Variants in CHCHD3 observed in about 807,000 individuals in gnomAD.
CHCHD3 encodes MICOS complex subunit MIC19.
A neutral mutation model predicts 38.2 loss-of-function variants in CHCHD3; 20 were observed. The ratio of observed to expected loss-of-function variants is 0.52; its 90% CI spans 0.37 to 0.76. The LOEUF (loss-of-function observed/expected upper bound fraction) is 0.76. Among genes scored for constraint, CHCHD3 ranks in the 30% least tolerant of loss-of-function variants. The pLI, the probability that CHCHD3 is intolerant of heterozygous loss-of-function variation, is 0.00. For missense variants in CHCHD3, 245 were observed against 279.2 expected (o/e 0.88, Z 0.87); for synonymous variants, 82 against 100.0 (o/e 0.82, Z 1.07).
At chr7:132,962,842 ATAC>A (rs1811354301) in intron 4 of CHCHD3, among the ~76,000 whole-genome samples, 1 of 152,206 alleles carries the variant, frequency 6.6e-6, no homozygotes, top group Non-Finnish European at 1.5e-5. Context: ...ATTCATCTTA[ATAC>A]TACTGTTTGC....
intron 3 of CHCHD3, among the ~76,000 whole-genome samples, chr7:133,005,983 T>C (rs1778544555): frequency 2.0e-5 from 3 of 152,230 alleles, no homozygotes; most frequent in African/African-American, 7.2e-5. Context: ...GCCAGCTACA[T>C]ATAGGTCTCA....
intron 6 of CHCHD3, among the ~76,000 whole-genome samples, chr7:132,826,520 G>T (rs1004804795): frequency 2.0e-5 from 3 of 152,154 alleles, no homozygotes; most frequent in African/African-American, 7.2e-5. Flanking sequence ...TTGATTACCA[G>T]CATTTAGACA....
chr7:133,020,075 A>G (rs1029878493), intron 3 of CHCHD3, among the ~76,000 whole-genome samples: 1 of 151,982 alleles, frequency 6.6e-6, no homozygotes, highest in African/African-American at 2.4e-5. Context: ...GATAAGCAAA[A>G]CCATGATTTC....
At chr7:133,002,460 G>A (rs1322232185) in intron 3 of CHCHD3, among the ~76,000 whole-genome samples, 1 of 151,950 alleles carries the variant, frequency 6.6e-6, no homozygotes, top group East Asian at 1.9e-4. Flanking sequence ...GATTTAGGTG[G>A]GTTTGATATT....
At chr7:133,046,688 G>A (rs550314221) in intron 2 of CHCHD3, among the ~76,000 whole-genome samples, 3 of 151,970 alleles carry the variant, frequency 2.0e-5, no homozygotes, top group Admixed American at 6.5e-5. Context: ...TCAGCCTCCC[G>A]AGTAGCTGGG....
At chr7:132,941,347 G>A (rs1330496057) in intron 4 of CHCHD3, among the ~76,000 whole-genome samples, 2 of 152,180 alleles carry the variant, frequency 1.3e-5, no homozygotes, top group East Asian at 3.9e-4. Flanking sequence ...ATAATCCTCA[G>A]GCCATCCTCA....
chr7:132,800,994 C>T (rs541798308), intron 6 of CHCHD3, among the ~76,000 whole-genome samples: 1 of 152,136 alleles, frequency 6.6e-6, no homozygotes, highest in African/African-American at 2.4e-5. Context: ...TCCTATAGCA[C>T]AATGCAAAAA....
At chr7:132,982,746 C>T (rs1013875626) in intron 3 of CHCHD3, among the ~76,000 whole-genome samples, 8 of 152,138 alleles carry the variant, frequency 5.3e-5, no homozygotes, top group African/African-American at 1.9e-4. Context: ...AGCTGAGGCA[C>T]AGAGAAATTA....
intron 1 of CHCHD3, among the ~76,000 whole-genome samples, chr7:133,075,435 CA>C (rs1480121297): frequency 6.6e-6 from 1 of 152,204 alleles, no homozygotes; most frequent in Non-Finnish European, 1.5e-5. Context: ...GCACCTCTGC[CA>C]ACTCCAAGCA....
At chr7:132,972,747 T>C (rs1340140710) in intron 4 of CHCHD3, 3 of 985,298 alleles carry the variant, frequency 3.0e-6, no homozygotes, top group South Asian at 4.7e-5. Context: ...CCTAAGTGCT[T>C]TGAGGGCTCT....
intron 4 of CHCHD3, among the ~76,000 whole-genome samples, chr7:132,908,208 T>C (rs1809843958): frequency 6.6e-6 from 1 of 152,188 alleles, no homozygotes; most frequent in Non-Finnish European, 1.5e-5. Context: ...GTTCAGAATC[T>C]GGTGTTTAAG....
chr7:133,071,107 TGA>T (rs1814808464), intron 1 of CHCHD3, among the ~76,000 whole-genome samples: 2 of 152,196 alleles, frequency 1.3e-5, no homozygotes, highest in Admixed American at 6.5e-5. Flanking sequence ...CTTGCGGATT[TGA>T]GAGTCATCAT....
intron 4 of CHCHD3, among the ~76,000 whole-genome samples, chr7:132,922,597 A>G (rs1290209568): frequency 6.6e-6 from 1 of 151,586 alleles, no homozygotes; most frequent in African/African-American, 2.4e-5. Context: ...AGCAGATACT[A>G]CTGATAAACT....
intron 4 of CHCHD3, among the ~76,000 whole-genome samples, chr7:132,946,147 C>T (rs1810893755): frequency 6.6e-6 from 1 of 150,884 alleles, no homozygotes; most frequent in Non-Finnish European, 1.5e-5. Context: ...TTCAATTTAA[C>T]TAAAAATTTA....
At chr7:132,819,165 A>G (rs1315781438) in intron 6 of CHCHD3, among the ~76,000 whole-genome samples, 1 of 152,224 alleles carries the variant, frequency 6.6e-6, no homozygotes, top group Non-Finnish European at 1.5e-5. Flanking sequence ...GTTTCAGTTC[A>G]ACTAAGAATG....
intron 5 of CHCHD3, among the ~76,000 whole-genome samples, chr7:132,864,136 T>C (rs10808267): frequency 0.22 from 34,067 of 152,218 alleles, 4,035 homozygotes; most frequent in South Asian, 0.26. Flanking sequence ...GCTTTGCACA[T>C]ATCCTTCTCA....
At chr7:133,039,654 G>T (rs144810443) in intron 2 of CHCHD3, among the ~76,000 whole-genome samples, 5 of 152,212 alleles carry the variant, frequency 3.3e-5, no homozygotes, top group Non-Finnish European at 5.9e-5. Flanking sequence ...GGAAGCCAAG[G>T]AAAATTATAA....
intron 5 of CHCHD3, among the ~76,000 whole-genome samples, chr7:132,876,923 G>T (rs1368055217): frequency 6.6e-6 from 1 of 152,110 alleles, no homozygotes; most frequent in East Asian, 1.9e-4. Flanking sequence ...CCTATTTACT[G>T]TAGCAAGCAG....
At chr7:132,925,799 C>T (rs1810363519) in intron 4 of CHCHD3, among the ~76,000 whole-genome samples, 1 of 152,170 alleles carries the variant, frequency 6.6e-6, no homozygotes, top group Non-Finnish European at 1.5e-5. Flanking sequence ...AGAGCAACAA[C>T]AAACTTCATA....
Sources: allele counts gnomAD v4.1 joint callset (sites outside exome capture counted in the v4.1 genomes callset), GRCh38; gene constraint gnomAD v4.1.1; transcripts MANE v1.5; gene names NCBI Gene and HGNC (gene_info 2026-07-23, HGNC 2026-07-21).